Variants in KLHL1 observed in about 807,000 individuals in gnomAD.
KLHL1 encodes the protein kelch like family member 1, also known as kelch-like protein 1.
KLHL1 carries 47 observed loss-of-function variants against 77.7 expected under a neutral mutation model. That is an observed-to-expected ratio of 0.60 (90% CI 0.48 to 0.77). KLHL1 has a LOEUF of 0.77. Ranked by LOEUF, KLHL1 falls within the 30% of genes least tolerant of loss-of-function variation. The probability of loss-of-function intolerance (pLI) is 0.00; values close to 1 mark genes in which losing one functional copy is unlikely to be tolerated. For synonymous variants in KLHL1, 360 were observed against 325.2 expected (o/e 1.11, Z -1.15); for missense variants, 925 against 910.8 (o/e 1.02, Z -0.20).
chr13:70,029,131 G>A (rs1483211962), intron 1 of KLHL1, among the ~76,000 whole-genome samples: 1 of 152,146 alleles, frequency 6.6e-6, no homozygotes, highest in Non-Finnish European at 1.5e-5. Flanking sequence ...GTGTGTGTAT[G>A]TGTGTTTGTG....
intron 4 of KLHL1, among the ~76,000 whole-genome samples, chr13:69,936,203 C>T (rs1883184163): frequency 6.6e-6 from 1 of 152,200 alleles, no homozygotes; most frequent in East Asian, 1.9e-4. Context: ...CCATACAACA[C>T]ATATTTAGCA....
chr13:69,914,084 T>G (rs1882334554), intron 4 of KLHL1, among the ~76,000 whole-genome samples: 2 of 152,178 alleles, frequency 1.3e-5, no homozygotes, highest in Non-Finnish European at 2.9e-5. Flanking sequence ...AACATGGCAC[T>G]CCAACTTCTT....
At chr13:70,068,156 A>G (rs1328570233) in intron 1 of KLHL1, among the ~76,000 whole-genome samples, 1 of 151,928 alleles carries the variant, frequency 6.6e-6, no homozygotes, top group Non-Finnish European at 1.5e-5. Context: ...CCTGGCTAAC[A>G]CGGTGAAAAC....
intron 4 of KLHL1, among the ~76,000 whole-genome samples, chr13:69,918,549 C>T (rs1882522271): frequency 6.6e-6 from 1 of 151,502 alleles, no homozygotes; most frequent in South Asian, 2.1e-4. Context: ...GCCAGCACTT[C>T]CTAATGGGAT....
chr13:69,766,843 T>A (rs1295053465), intron 7 of KLHL1, among the ~76,000 whole-genome samples: 2 of 152,176 alleles, frequency 1.3e-5, no homozygotes, highest in Non-Finnish European at 2.9e-5. Context: ...AAGCAGTGTC[T>A]GGCCTAAAGA....
chr13:69,784,618 TCAA>T (rs886183146), intron 7 of KLHL1, among the ~76,000 whole-genome samples: 259 of 151,332 alleles, frequency 1.7e-3, no homozygotes, highest in African/African-American at 6.1e-3. Context: ...AGGGATCAAT[TCAA>T]CAAGAAGAGC....
At chr13:69,841,885 C>T (rs768901881) in intron 5 of KLHL1, among the ~76,000 whole-genome samples, 3 of 151,662 alleles carry the variant, frequency 2.0e-5, no homozygotes, top group Non-Finnish European at 2.9e-5. Context: ...AATAAAGCCA[C>T]GTATTTACTG....
chr13:69,733,540 GA>G (rs1873640071), intron 8 of KLHL1, among the ~76,000 whole-genome samples: 1 of 152,040 alleles, frequency 6.6e-6, no homozygotes, highest in Admixed American at 6.6e-5. Context: ...CACAGAAATA[GA>G]AACAGAGAAA....
At chr13:69,857,515 G>C (rs2034281841) in intron 5 of KLHL1, among the ~76,000 whole-genome samples, 1 of 151,924 alleles carries the variant, frequency 6.6e-6, no homozygotes, top group South Asian at 2.1e-4. Context: ...TAAATAATAC[G>C]TTTAAAACAC....
chr13:69,902,650 G>A (rs892896947), intron 4 of KLHL1, among the ~76,000 whole-genome samples: 27 of 151,006 alleles, frequency 1.8e-4, no homozygotes, highest in African/African-American at 6.1e-4. Flanking sequence ...GCAAACTATC[G>A]CAAGGACAAA....
At chr13:70,038,577 A>T (rs1886294974) in intron 1 of KLHL1, among the ~76,000 whole-genome samples, 4 of 116,374 alleles carry the variant, frequency 3.4e-5, no homozygotes, top group East Asian at 5.5e-4. Context: ...TGGGATTGTC[A>T]TTAATTTTTT....
chr13:69,886,378 G>GT (rs67311577), intron 4 of KLHL1, among the ~76,000 whole-genome samples: 1,524 of 150,450 alleles, frequency 0.01, 23 homozygotes, highest in African/African-American at 0.035. Context: ...TTTTGCACCA[G>GT]TTTTTTTTTT....
At chr13:69,720,309 T>C (rs1593771570) in intron 8 of KLHL1, among the ~76,000 whole-genome samples, 1 of 152,108 alleles carries the variant, frequency 6.6e-6, no homozygotes, top group African/African-American at 2.4e-5. Context: ...AATAAAATAG[T>C]CCTTCCCCAT....
chr13:69,769,176 G>C (rs905635397), intron 7 of KLHL1, among the ~76,000 whole-genome samples: 2 of 152,178 alleles, frequency 1.3e-5, no homozygotes, highest in African/African-American at 2.4e-5. Context: ...CTTTAGCAAG[G>C]AAATGACATT....
chr13:69,826,025 T>G (rs937776795), intron 6 of KLHL1, among the ~76,000 whole-genome samples: 5 of 152,208 alleles, frequency 3.3e-5, no homozygotes, highest in Admixed American at 6.5e-5. Flanking sequence ...GTCTAAAAGT[T>G]GCTTTTGTTA....
chr13:69,784,229 C>G (rs530038384), intron 7 of KLHL1, among the ~76,000 whole-genome samples: 1 of 152,194 alleles, frequency 6.6e-6, no homozygotes, highest in East Asian at 1.9e-4. Context: ...ACTGCAAAAA[C>G]ATGCCAAAAT....
At chr13:70,038,581 ATTTTTTTTTTT>A (rs55885952) in intron 1 of KLHL1, among the ~76,000 whole-genome samples, 1 of 73,030 alleles carries the variant, frequency 1.4e-5, no homozygotes. Flanking sequence ...ATTGTCATTA[ATTTTTTTTTTT>A]TTTTTTTTTT....
At chr13:69,782,149 G>A (rs1876249826) in intron 7 of KLHL1, among the ~76,000 whole-genome samples, 1 of 152,204 alleles carries the variant, frequency 6.6e-6, no homozygotes, top group Admixed American at 6.5e-5. Flanking sequence ...GATGAATTAT[G>A]TCTGGTTTTA....
intron 5 of KLHL1, among the ~76,000 whole-genome samples, chr13:69,877,820 T>C (rs1430126083): frequency 2.0e-5 from 3 of 152,180 alleles, no homozygotes; most frequent in East Asian, 3.8e-4. Context: ...ACTGCTCTTA[T>C]CTGAAATCCA....
Sources: allele counts gnomAD v4.1 joint callset (sites outside exome capture counted in the v4.1 genomes callset), GRCh38; gene constraint gnomAD v4.1.1; transcripts MANE v1.5; gene names NCBI Gene and HGNC (gene_info 2026-07-23, HGNC 2026-07-21).